The following ATP6V0A1 variants were observed in gnomAD, a reference collection of about 807,000 sequenced individuals.
The protein encoded by ATP6V0A1 is V-type proton ATPase 116 kDa subunit a 1.
In ATP6V0A1, 43 loss-of-function variants were observed where a neutral mutation model predicts 105.4. That is an observed-to-expected ratio of 0.41 (90% CI 0.32 to 0.53). The LOEUF is 0.53. Among genes scored for constraint, ATP6V0A1 ranks in the 20% least tolerant of loss-of-function variants. ATP6V0A1 has a pLI of 0.30. For synonymous variants in ATP6V0A1, 362 were observed against 372.8 expected, an observed-to-expected ratio of 0.97 and a Z score of 0.33; for missense variants, 676 against 1,051.1, an observed-to-expected ratio of 0.64 and a Z score of 4.93.
At chr17:42,469,475 C>G (rs945470083) in intron 4 of ATP6V0A1, among the ~76,000 whole-genome samples, 12 of 151,498 alleles carry the variant, frequency 7.9e-5, no homozygotes, top group Non-Finnish European at 1.5e-4. Context: ...GGATTACAGG[C>G]ATGCACCACT....
intron 17 of ATP6V0A1, among the ~76,000 whole-genome samples, chr17:42,507,100 C>A (rs1231259943): frequency 6.6e-6 from 1 of 152,160 alleles, no homozygotes; most frequent in Non-Finnish European, 1.5e-5. Context: ...TGTCACTTGG[C>A]CCCCCTTCCT....
intron 1 of ATP6V0A1, chr17:42,460,068 T>C (rs1412066101): frequency 2.0e-5 from 3 of 152,214 alleles, no homozygotes; most frequent in African/African-American, 7.2e-5. Context: ...GAAACCTTTA[T>C]TGGCTCATGA....
intron 14 of ATP6V0A1, among the ~76,000 whole-genome samples, chr17:42,497,786 C>G (rs955945020): frequency 2.0e-5 from 3 of 151,826 alleles, no homozygotes; most frequent in African/African-American, 7.3e-5. Context: ...GCCTGTAATC[C>G]CAGCAATTTG....
rs962158484 is a variant in ATP6V0A1, at chr17:42,494,976, T to G, written c.1315-58T>G. 3.0e-5 allele frequency: 46 copies of G among 1,542,148 alleles called. No individual in the cohort carries two copies. The African/African-American group carries it at 5.7e-4, about 19-fold the overall frequency. On this transcript the variant is annotated intron_variant, in intron 12 of 21. Coordinates refer to ENST00000343619, the MANE Select transcript of ATP6V0A1 (RefSeq NM_001130021.3). ...GGGGCAGGTATATTCTGAATAACAT[T>G]GTCACAATGTGAGCTGCAGTGAGTA...
intron 21 of ATP6V0A1, among the ~76,000 whole-genome samples, chr17:42,516,003 T>C (rs960883339): frequency 2.6e-5 from 4 of 152,152 alleles, no homozygotes; most frequent in African/African-American, 4.8e-5. Context: ...CCAATGTCTC[T>C]GGAAGTTCTG....
intron 15 of ATP6V0A1, 33 bp downstream of exon 15, chr17:42,499,075 C>T: frequency 6.9e-7 from 1 of 1,450,252 alleles, no homozygotes; most frequent in Non-Finnish European, 9.7e-7. Flanking sequence ...TAAGAATGTG[C>T]ATAGTTTAGA....
chr17:42,520,717 C>T (rs968989656), intron 21 of ATP6V0A1: 7 of 422,554 alleles, frequency 1.7e-5, no homozygotes, highest in African/African-American at 4.1e-5. Context: ...TGTTCATTAA[C>T]GATGTTAGGC....
chr17:42,494,473 G>C lies in ATP6V0A1; in HGVS notation c.1314G>C (p.Glu438Asp). The change falls in exon 12 of 22, where the codon GAG (glutamate) becomes GAC (aspartate). Residue 438 changes from glutamate to aspartate, a missense_variant and splice_region_variant. By Grantham distance (45) the Glu-to-Asp change is conservative. Around this residue, in one of 3 missense-constraint regions of ATP6V0A1, gnomAD observed 435 missense variants for 642.2 expected, o/e 0.68. Transcript: ENST00000343619. ...SRILSQKNEN[E>D]MFSTVFSGRY... The stretch of plus-strand genomic sequence containing the variant: ...TCCTTTCCCAGAAGAATGAGAATGA[G>C]GTAATGTTTAAGTTACATCTGCATT... 2 of 1,610,104 alleles carry C rather than the reference G, an allele frequency of 1.2e-6. No homozygotes were observed. Among genetic ancestry groups the C allele is most frequent in the African/African-American group, 1.3e-5 (1 of 74,838 alleles).
At chr17:42,484,009 C>T (rs1274828466) in intron 9 of ATP6V0A1, among the ~76,000 whole-genome samples, 1 of 152,204 alleles carries the variant, frequency 6.6e-6, no homozygotes, top group Non-Finnish European at 1.5e-5. Context: ...TGAGCCACTG[C>T]GCCCAGCCAA....
At chr17:42,474,916 C>T (rs1321131107) in intron 5 of ATP6V0A1, among the ~76,000 whole-genome samples, 1 of 152,136 alleles carries the variant, frequency 6.6e-6, no homozygotes, top group African/African-American at 2.4e-5. Flanking sequence ...TTAGTCATTT[C>T]TTATCTAGGG....
At chr17:42,498,417 AT>A in intron 14 of ATP6V0A1, among the ~76,000 whole-genome samples, 1 of 152,224 alleles carries the variant, frequency 6.6e-6, no homozygotes, top group South Asian at 2.1e-4. Flanking sequence ...CAAAAGCAAG[AT>A]TAAAAAAAAA....
In ATP6V0A1 at chr17:42,522,211, C is replaced by G. The variant is rs531338833; in HGVS notation, c.*1091C>G. 7.2e-5 allele frequency: 11 copies of G among 152,580 alleles called. No individual in the cohort carries two copies. The highest frequency in any genetic ancestry group is 2.6e-4 in the African/African-American group (11 of 41,578). 9.5% of individuals were successfully genotyped at this position (152,580 alleles called of 1,614,324 possible). A position where few individuals can be genotyped will look rare whatever the true frequency, so the allele number is the denominator to read the frequency against. On this transcript the variant is annotated 3_prime_UTR_variant, in exon 22 of 22. Coordinates refer to ENST00000343619, the MANE Select transcript of ATP6V0A1 (RefSeq NM_001130021.3). The stretch of plus-strand genomic sequence containing the variant: ...GCCAAGGGGCTTCCTCCTTGTCACC[C>G]CGAACCTTGTAATCGTGTGCTGGCG...
rs1014218804 is a variant in ATP6V0A1, at chr17:42,490,369, G to T, written c.1024-118G>T. The stretch of plus-strand genomic sequence containing the variant: ...TTATTGAGATATAATTTACATGAAA[G>T]AAAATACATACATTTTATGTGTACC... On this transcript the variant is annotated intron_variant, in intron 10 of 21. Coordinates refer to ENST00000343619, the MANE Select transcript of ATP6V0A1 (RefSeq NM_001130021.3). 5.6e-6 allele frequency: 5 copies of T among 895,982 alleles called. No homozygotes were observed. The East Asian group carries it at 9.4e-5, about 17-fold the overall frequency. The allele number at this position is 895,982 out of a possible 1,614,324, so 55.5% of individuals were successfully genotyped here. A position where few individuals can be genotyped will look rare whatever the true frequency, so the allele number is the denominator to read the frequency against.
At chr17:42,520,972 A>C in intron 21 of ATP6V0A1, 55 bp from the exon 22 acceptor site, 1 of 1,478,012 alleles carries the variant, frequency 6.8e-7, no homozygotes, top group Non-Finnish European at 9.2e-7. Context: ...GTGAAGTCCT[A>C]AAAAGCTTCA....
intron 5 of ATP6V0A1, among the ~76,000 whole-genome samples, chr17:42,475,712 T>C (rs1052700046): frequency 6.6e-6 from 1 of 152,222 alleles, no homozygotes; most frequent in Non-Finnish European, 1.5e-5. Flanking sequence ...GTTCTAGTCA[T>C]CCTAGTTTCT....
intron 18 of ATP6V0A1, 88 bp from the exon 19 acceptor site, chr17:42,508,484 C>A: frequency 6.4e-7 from 1 of 1,552,980 alleles, no homozygotes; most frequent in Non-Finnish European, 8.9e-7. Context: ...ACAGTCCTCC[C>A]CAAGAAGCAT....
rs7218509 is a variant in ATP6V0A1, at chr17:42,462,140, A to G, written c.117+1129A>G. Among the ~76,000 whole-genome samples, 544 of 149,830 alleles carry G rather than the reference A, an allele frequency of 3.6e-3. 6 individuals carry two copies. Among genetic ancestry groups the G allele is most frequent in the African/African-American group, 0.013 (528 of 40,794 alleles). ...TAAGGTGGGAGGATCGCTGAAGCCC[A>G]GGAGGTCGAGGCTGTAGTGAGCTGT... is the stretch of plus-strand genomic sequence containing the variant. On this transcript the variant is annotated intron_variant, in intron 2 of 21. Transcript: ENST00000343619.
intron 3 of ATP6V0A1, among the ~76,000 whole-genome samples, chr17:42,467,505 C>A (rs1051283932): frequency 6.6e-6 from 1 of 152,180 alleles, no homozygotes; most frequent in Non-Finnish European, 1.5e-5. Context: ...GTCCTTATTA[C>A]CTGTTCTGCT....
At chr17:42,513,777 A>G in intron 19 of ATP6V0A1, 84 bp from the exon 20 acceptor site, 29 of 1,349,676 alleles carry the variant, frequency 2.1e-5, no homozygotes, top group Non-Finnish European at 3.1e-5. Context: ...GCCCAGGTTC[A>G]AAGCGCCAAG....
Sources: gnomAD v4.1 joint callset for allele counts (sites outside exome capture counted in the v4.1 genomes callset) on GRCh38, gnomAD v4.1.1 for gene constraint, gnomAD v4.1.1 regional missense constraint, MANE v1.5 for transcripts, NCBI Gene and HGNC (gene_info 2026-07-23, HGNC 2026-07-21) for gene names.